The following PLA2R1 variants were observed in gnomAD, a reference collection of about 807,000 sequenced individuals.
PLA2R1 encodes secretory phospholipase A2 receptor.
In PLA2R1, 158 loss-of-function variants were observed where a neutral mutation model predicts 195.9. That is an observed-to-expected ratio of 0.81 (90% CI 0.71 to 0.92). The LOEUF (loss-of-function observed/expected upper bound fraction) is 0.92, where lower values mean the gene tolerates loss of function less well. PLA2R1 is among the 40% of genes least tolerant of loss of function. The probability of loss-of-function intolerance (pLI) is 0.00; values close to 1 mark genes in which losing one functional copy is unlikely to be tolerated. For synonymous variants in PLA2R1, 586 were observed against 598.2 expected (o/e 0.98, Z 0.30); for missense variants, 1,626 against 1,764.6 (o/e 0.92, Z 1.41).
chr2:159,977,706 G>T (rs1475995074), intron 14 of PLA2R1, among the ~76,000 whole-genome samples: 3 of 152,168 alleles, frequency 2.0e-5, no homozygotes, highest in African/African-American at 7.2e-5. Flanking sequence ...GGGAGGCCAA[G>T]GTGGGCAGAT....
At chr2:160,004,451 T>C (rs1558904076) in intron 11 of PLA2R1, among the ~76,000 whole-genome samples, 1 of 152,196 alleles carries the variant, frequency 6.6e-6, no homozygotes, top group Non-Finnish European at 1.5e-5. Flanking sequence ...GCCACTTTTA[T>C]ATTTTAGTGT....
intron 9 of PLA2R1, among the ~76,000 whole-genome samples, chr2:160,014,729 G>C (rs1053583321): frequency 6.6e-5 from 10 of 152,146 alleles, no homozygotes; most frequent in African/African-American, 9.7e-5. Flanking sequence ...ATCATTAACT[G>C]AGGTAGGAAG....
At chr2:160,060,153 C>T (rs1005789928) in intron 1 of PLA2R1, among the ~76,000 whole-genome samples, 1 of 152,208 alleles carries the variant, frequency 6.6e-6, no homozygotes, top group African/African-American at 2.4e-5. Context: ...TGCATTATTA[C>T]ATAGCCATTA....
downstream of PLA2R1, among the ~76,000 whole-genome samples, chr2:159,931,255 T>A (rs978395085): frequency 1.3e-5 from 2 of 152,152 alleles, no homozygotes; most frequent in African/African-American, 4.8e-5. Context: ...TAGGGCCAGG[T>A]GCAATGGTTC....
In PLA2R1 at chr2:159,965,436, A is replaced by G. The variant is rs1034313339; in HGVS notation, c.2904+2103T>C. On this transcript the variant is annotated intron_variant, in intron 20 of 29. Coordinates refer to ENST00000283243, the MANE Select transcript of PLA2R1 (RefSeq NM_007366.5). Reference sequence around the variant, plus strand: ...TCAGATTGGCTTCTTTCACTTAGTAATATGAATTTAAGTTTCCTCCATGTG... The same window carrying G: ...TCAGATTGGCTTCTTTCACTTAGTAGTATGAATTTAAGTTTCCTCCATGTG... Among the ~76,000 whole-genome samples the G allele has an allele frequency of 3.3e-5, 5 of 152,180 alleles. No homozygotes were observed. The East Asian group carries it at 9.6e-4, about 29-fold the overall frequency.
Position 160,022,728 on chromosome 2 carries a change from T to G in PLA2R1, c.1231A>C (p.Ser411Arg). The change falls in exon 7 of 30, where the codon AGT becomes CGT. Residue 411 changes from serine to arginine, a missense_variant. Ser to Arg is a moderately radical substitution (Grantham distance 110). Transcript: ENST00000283243. ...EALRSCQADN[S>R]ALIDITSLAE... Reference sequence around the variant, plus strand: ...AATGAGGTTATGTCTATTAATGCACTGTTATCAGCCTGACAAGAACGCAGA... The same window carrying G: ...AATGAGGTTATGTCTATTAATGCACGGTTATCAGCCTGACAAGAACGCAGA... 1 of 1,613,692 alleles carries G rather than the reference T, an allele frequency of 6.2e-7. No homozygotes were observed. Among genetic ancestry groups the G allele is most frequent in the Non-Finnish European group, 8.5e-7 (1 of 1,179,682 alleles).
At chr2:159,957,085 C>A (rs549687208) in intron 20 of PLA2R1, among the ~76,000 whole-genome samples, 1 of 152,104 alleles carries the variant, frequency 6.6e-6, no homozygotes, top group East Asian at 1.9e-4. Context: ...GGGAGTCAAA[C>A]ACATCAGGTG....
Position 160,005,743 on chromosome 2 carries a change from C to T in PLA2R1, c.1743G>A (p.Gln581=). 6.2e-7 allele frequency: 1 copy of T among 1,613,062 alleles called. No homozygotes were observed. The highest frequency in any genetic ancestry group is 8.5e-7 in the Non-Finnish European group (1 of 1,179,032). ...TGTATTCTCCCGTATCATTTTGGTC[C>T]TGAAGAGCTATCCAAAAATAACTGT... ...MKDSYFWIAL[Q]DQNDTGEYTW... is the part of the protein sequence containing the mutation. Residue 581 remains glutamine (Q), a synonymous_variant, in exon 11 of 30, where the codon CAG becomes CAA. Coordinates refer to ENST00000283243, the MANE Select transcript of PLA2R1 (RefSeq NM_007366.5).
rs1451228699 is a variant in PLA2R1 at position 160,045,101 on chromosome 2, T to TA, written c.165dup (p.Lys56Ter). On this transcript the variant is annotated frameshift_variant, in exon 2 of 30. Transcript: ENST00000283243. LOFTEE classifies it high-confidence loss of function. ...CAGTTCTCCAGGGTCAGAACCGATT[T>TA]ACCTGCTTGAATGCATTTCTTGAGA... The TA allele has an allele frequency of 6.2e-7, 1 of 1,612,874 alleles. No individual in the cohort carries two copies. The highest frequency in any genetic ancestry group is 1.3e-5 in the African/African-American group (1 of 74,938).
intron 1 of PLA2R1, among the ~76,000 whole-genome samples, chr2:160,053,392 C>T (rs1695339334): frequency 6.6e-6 from 1 of 150,652 alleles, no homozygotes; most frequent in African/African-American, 2.5e-5. Flanking sequence ...CCCTATCATT[C>T]TTATTCAGGC....
rs1686751457 is a variant in PLA2R1 at position 159,934,882 on chromosome 2, A to C, written c.*6896T>G. On this transcript the variant is annotated 3_prime_UTR_variant, in exon 30 of 30. Coordinates refer to ENST00000283243, the MANE Select transcript of PLA2R1 (RefSeq NM_007366.5). The stretch of plus-strand genomic sequence containing the variant: ...TTATTTTACTTTCCCATTTTCCCAT[A>C]ATGACCATTTTCTGTTCCATGATCC... 1 of 152,192 alleles carries C rather than the reference A, an allele frequency of 6.6e-6. No individual in the cohort carries two copies. The allele number at this position is 152,192 out of a possible 1,614,324, so 9.4% of individuals were successfully genotyped here.
chr2:160,032,940 G>A lies in PLA2R1; in HGVS notation c.841+19C>T, dbSNP rs769747288. The A allele has an allele frequency of 2.0e-6, 3 of 1,527,904 alleles. No individual in the cohort carries two copies. The Admixed American group carries it at 5.1e-5, about 26-fold the overall frequency. The allele number at this position is 1,527,904 out of a possible 1,614,324, so 94.6% of individuals were successfully genotyped here. On this transcript the variant is annotated intron_variant, in intron 4 of 29. Coordinates refer to ENST00000283243, the MANE Select transcript of PLA2R1 (RefSeq NM_007366.5). ...TCTTTTATTGTATCAATATCAATGT[G>A]CGTCATCCACCTACTTACCCCTTAT...
At chr2:160,009,101 C>T (rs952013902) in intron 10 of PLA2R1, among the ~76,000 whole-genome samples, 4 of 152,178 alleles carry the variant, frequency 2.6e-5, no homozygotes, top group African/African-American at 7.2e-5. Flanking sequence ...TTATGCACTA[C>T]TGGTGGGAAT....
rs181082046 is a variant in PLA2R1 at position 160,033,145 on chromosome 2, G to T, written c.668-13C>A. 13 of 1,596,982 alleles carry T rather than the reference G, an allele frequency of 8.1e-6. No homozygotes were observed. In the African/African-American group the frequency reaches 1.5e-4, roughly 18 times the overall value. ...ACTTCTGCAGAGGCTGGAAACAATGGCCATTAAAAACAACCAGGTCTTATT... is the reference window on the plus strand; with the variant it reads ...ACTTCTGCAGAGGCTGGAAACAATGTCCATTAAAAACAACCAGGTCTTATT... On this transcript the variant is annotated splice_polypyrimidine_tract_variant and intron_variant, in intron 3 of 29. Transcript: ENST00000283243.
At chr2:159,964,361 A>G (rs1403601363) in intron 20 of PLA2R1, among the ~76,000 whole-genome samples, 1 of 152,202 alleles carries the variant, frequency 6.6e-6, no homozygotes, top group Non-Finnish European at 1.5e-5. Flanking sequence ...TGTACACTCA[A>G]TAATGGTTAA....
chr2:159,996,394 G>A (rs1188032234), intron 11 of PLA2R1, among the ~76,000 whole-genome samples: 1 of 152,056 alleles, frequency 6.6e-6, no homozygotes, highest in Non-Finnish European at 1.5e-5. Context: ...GACTTCTGAA[G>A]AGCAGTCAGA....
At chr2:159,977,126 C>T (rs902168467) in intron 15 of PLA2R1, among the ~76,000 whole-genome samples, 158 bp downstream of exon 15, 1 of 152,142 alleles carries the variant, frequency 6.6e-6, no homozygotes, top group Non-Finnish European at 1.5e-5. Flanking sequence ...ATTGGTGTCG[C>T]CTTTTCCCAT....
chr2:159,944,447 T>G (rs1453321877), intron 28 of PLA2R1, among the ~76,000 whole-genome samples: 2 of 152,236 alleles, frequency 1.3e-5, no homozygotes, highest in African/African-American at 4.8e-5. Flanking sequence ...TACTGATGAT[T>G]AAGTTAAAAT....
intron 19 of PLA2R1, among the ~76,000 whole-genome samples, chr2:159,968,973 A>G (rs927734239): frequency 1.3e-5 from 2 of 152,318 alleles, no homozygotes; most frequent in Middle Eastern, 3.4e-3. Flanking sequence ...AGTATTTGTC[A>G]GGCATATATT....
Sources: allele counts gnomAD v4.1 joint callset (sites outside exome capture counted in the v4.1 genomes callset), GRCh38; gene constraint gnomAD v4.1.1; transcripts MANE v1.5; gene names NCBI Gene and HGNC (gene_info 2026-07-23, HGNC 2026-07-21).